Variants in DGAT2 observed in about 807,000 individuals in gnomAD.
DGAT2 encodes the protein diacylglycerol O-acyltransferase 2.
DGAT2 carries 33 observed loss-of-function variants against 48.4 expected under a neutral mutation model. The ratio of observed to expected loss-of-function variants is 0.68; its 90% CI spans 0.52 to 0.91. The LOEUF is 0.91. DGAT2 is among the 40% of genes least tolerant of loss of function. DGAT2 has a pLI of 0.00. For synonymous variants in DGAT2, 191 were observed against 194.1 expected (o/e 0.98, Z 0.13); for missense variants, 446 against 493.7 (o/e 0.90, Z 0.92).
intron 1 of DGAT2, among the ~76,000 whole-genome samples, chr11:75,782,743 G>A (rs1007634415): frequency 6.6e-5 from 10 of 152,248 alleles, no homozygotes; most frequent in Non-Finnish European, 1.2e-4. Flanking sequence ...CCCTGAGCAT[G>A]ACCCTCCGAC....
At chr11:75,796,729 A>G in intron 5 of DGAT2, 197 bp downstream of exon 5, 1 of 606,480 alleles carries the variant, frequency 1.6e-6, no homozygotes, top group Non-Finnish European at 2.9e-6. Flanking sequence ...TTCAACTCGG[A>G]TAACATCTTC....
At chr11:75,776,540 A>AT (rs1944804686) in intron 1 of DGAT2, 1 of 152,248 alleles carries the variant, frequency 6.6e-6, no homozygotes, top group Non-Finnish European at 1.5e-5. Flanking sequence ...ATGTGCTAAA[A>AT]GACTGACCAA....
intron 1 of DGAT2, among the ~76,000 whole-genome samples, chr11:75,774,235 G>A (rs978405769): frequency 1.3e-5 from 2 of 152,226 alleles, no homozygotes; most frequent in African/African-American, 4.8e-5. Flanking sequence ...GGGCCCAGGG[G>A]TAGGAGTCAG....
At chr11:75,779,985 A>G (rs959542838) in intron 1 of DGAT2, among the ~76,000 whole-genome samples, 1 of 152,198 alleles carries the variant, frequency 6.6e-6, no homozygotes, top group Non-Finnish European at 1.5e-5. Context: ...AGCCCCTCTT[A>G]CCACAGATGA....
In DGAT2 at chr11:75,796,278, C is replaced by T. The variant is rs540455345; in HGVS notation, c.430-50C>T. 3.8e-5 allele frequency: 58 copies of T among 1,541,786 alleles called. 2 individuals are homozygous for T. In the South Asian group the frequency reaches 5.8e-4, roughly 15 times the overall value. ...CCCTCCCTACCCTCCGGGTATGCCC[C>T]GGTATCCCTCTCCCAGCCAGTTTCC... On this transcript the variant is annotated intron_variant, in intron 4 of 7. Transcript: ENST00000228027.
intron 2 of DGAT2, among the ~76,000 whole-genome samples, chr11:75,786,686 A>G (rs1944926425): frequency 6.6e-6 from 1 of 152,176 alleles, no homozygotes; most frequent in Non-Finnish European, 1.5e-5. Flanking sequence ...CTCCTGAGCT[A>G]CTGCTAATTA....
At chr11:75,774,952 C>T (rs1944790783) in intron 1 of DGAT2, among the ~76,000 whole-genome samples, 1 of 152,092 alleles carries the variant, frequency 6.6e-6, no homozygotes, top group Admixed American at 6.6e-5. Flanking sequence ...GATGTAGATC[C>T]ATGTTCGGTA....
chr11:75,784,141 G>A (rs1010646534), intron 1 of DGAT2, among the ~76,000 whole-genome samples: 1 of 152,192 alleles, frequency 6.6e-6, no homozygotes, highest in South Asian at 2.1e-4. Context: ...GCAGGGATTG[G>A]GGATGCTCAA....
At chr11:75,774,872 G>T (rs781427621) in intron 1 of DGAT2, among the ~76,000 whole-genome samples, 1 of 152,168 alleles carries the variant, frequency 6.6e-6, no homozygotes, top group Admixed American at 6.5e-5. Flanking sequence ...TTTTGAATGT[G>T]CTTGGTCACA....
At chr11:75,788,790 A>G (rs1395116497) in intron 2 of DGAT2, among the ~76,000 whole-genome samples, 6 of 152,186 alleles carry the variant, frequency 3.9e-5, no homozygotes, top group East Asian at 1.9e-4. Flanking sequence ...TTCTCCCACC[A>G]AACATGAGTA....
chr11:75,789,630 G>A (rs1045052578), intron 2 of DGAT2, among the ~76,000 whole-genome samples: 2 of 152,218 alleles, frequency 1.3e-5, no homozygotes, highest in African/African-American at 4.8e-5. Flanking sequence ...AGAACGGACT[G>A]TAGAGTCAGA....
intron 1 of DGAT2, among the ~76,000 whole-genome samples, chr11:75,774,387 G>A (rs1484290733): frequency 6.6e-6 from 1 of 152,212 alleles, no homozygotes; most frequent in African/African-American, 2.4e-5. Flanking sequence ...TGGTGCAGAT[G>A]CAGACAGGCT....
intron 1 of DGAT2, among the ~76,000 whole-genome samples, chr11:75,781,106 G>A (rs1286770315): frequency 6.6e-6 from 1 of 152,228 alleles, no homozygotes; most frequent in Non-Finnish European, 1.5e-5. Flanking sequence ...TGAGGAGGAT[G>A]CTCTTTTGTT....
At position 75,798,185 on chromosome 11, in the gene DGAT2, C is replaced by T. The variant is rs748650166; in HGVS notation, c.810-42C>T. On this transcript the variant is annotated intron_variant, in intron 6 of 7. Coordinates refer to ENST00000228027, the MANE Select transcript of DGAT2 (RefSeq NM_032564.5). Reference sequence around the variant, plus strand: ...CTCTAGGCTGACATAGAAACTGAAGCCAGTAAGTAGGGTATGACAGACCCT... The same window carrying T: ...CTCTAGGCTGACATAGAAACTGAAGTCAGTAAGTAGGGTATGACAGACCCT... 1.3e-5 allele frequency: 21 copies of T among 1,600,488 alleles called. No homozygotes were observed. The Admixed American group carries it at 3.0e-4, about 23-fold the overall frequency.
At position 75,798,199 on chromosome 11, in the gene DGAT2, A is replaced by G. The variant is rs747075800; in HGVS notation, c.810-28A>G. The G allele has an allele frequency of 4.3e-6, 7 of 1,610,476 alleles. No individual in the cohort carries two copies. In the East Asian group the frequency reaches 1.3e-4, roughly 31 times the overall value. On this transcript the variant is annotated intron_variant, in intron 6 of 7. Coordinates refer to ENST00000228027, the MANE Select transcript of DGAT2 (RefSeq NM_032564.5). ...AGAAACTGAAGCCAGTAAGTAGGGT[A>G]TGACAGACCCTGGCCTCTCCCTTCC... is the stretch of plus-strand genomic sequence containing the variant.
At position 75,798,286 on chromosome 11, in the gene DGAT2, T is replaced by G; in HGVS notation, c.869T>G (p.Phe290Cys). The G allele has an allele frequency of 6.2e-7, 1 of 1,614,184 alleles. No individual in the cohort carries two copies. The highest frequency in any genetic ancestry group is 8.5e-7 in the Non-Finnish European group (1 of 1,180,022). The change falls in exon 7 of 8, where the codon TTC becomes TGC. Residue 290 changes from phenylalanine to cysteine, a missense_variant. Coordinates refer to ENST00000228027, the MANE Select transcript of DGAT2 (RefSeq NM_032564.5). ...GENEVYKQVI[F>C]EEGSWGRWVQ... is the part of the protein sequence containing the mutation. ...AATGAAGTGTACAAGCAGGTGATCT[T>G]CGAGGAGGGCTCCTGGGGCCGATGG...
intron 7 of DGAT2, among the ~76,000 whole-genome samples, chr11:75,800,054 G>T (rs181744671): frequency 6.6e-6 from 1 of 152,288 alleles, no homozygotes; most frequent in East Asian, 1.9e-4. Flanking sequence ...CAAAAGCAAA[G>T]ATGTTTACTT....
chr11:75,797,632 A>AGGCTTATAT (rs1945071354), intron 6 of DGAT2, among the ~76,000 whole-genome samples: 1 of 152,120 alleles, frequency 6.6e-6, no homozygotes, highest in Admixed American at 6.5e-5. Flanking sequence ...TTGCTGGGAG[A>AGGCTTATAT]CCAGGAGGTC....
intron 3 of DGAT2, 113 bp from the exon 4 acceptor site, chr11:75,790,548 G>A: frequency 1.0e-6 from 1 of 984,030 alleles, no homozygotes; most frequent in Non-Finnish European, 1.6e-6. Flanking sequence ...TGGGAAGGGG[G>A]CATGGTGCAT....
Sources: gnomAD v4.1 joint callset for allele counts (sites outside exome capture counted in the v4.1 genomes callset) on GRCh38, gnomAD v4.1.1 for gene constraint, MANE v1.5 for transcripts, NCBI Gene and HGNC (gene_info 2026-07-23, HGNC 2026-07-21) for gene names.